Variants in SEMA3D observed in about 807,000 individuals in gnomAD.
The protein encoded by SEMA3D is semaphorin-3D.
Under a neutral mutation model 100.1 loss-of-function variants are expected in SEMA3D, and 84 were observed. That is an observed-to-expected ratio of 0.84 (90% CI 0.70 to 1.01). SEMA3D has a LOEUF of 1.01. Among genes scored for constraint, SEMA3D ranks in the 50% least tolerant of loss-of-function variants. The pLI is 0.00. For missense variants in SEMA3D, 875 were observed against 934.1 expected (o/e 0.94, Z 0.82); for synonymous variants, 312 against 320.7 (o/e 0.97, Z 0.29).
the SEMA3D span, among the ~76,000 whole-genome samples, chr7:85,209,188 A>G: frequency 7.2e-5 from 11 of 152,052 alleles, no homozygotes; most frequent in Non-Finnish European, 1.3e-4. Context: ...CAAGTCTGGT[A>G]TAAATGGTAA....
At chr7:85,145,769 T>A (rs529573836) in intron 2 of SEMA3D, among the ~76,000 whole-genome samples, 17 of 152,296 alleles carry the variant, frequency 1.1e-4, no homozygotes, top group African/African-American at 3.6e-4. Context: ...TCGTGGGATA[T>A]TGATTCCAAG....
At chr7:85,126,042 T>C (rs2116417275) in intron 2 of SEMA3D, among the ~76,000 whole-genome samples, 1 of 152,208 alleles carries the variant, frequency 6.6e-6, no homozygotes, top group East Asian at 1.9e-4. Flanking sequence ...TTTCTGATTA[T>C]GAGAGACTTT....
At chr7:85,156,345 C>G (rs969687113) in intron 1 of SEMA3D, among the ~76,000 whole-genome samples, 9 of 151,904 alleles carry the variant, frequency 5.9e-5, no homozygotes, top group African/African-American at 2.2e-4. Flanking sequence ...TCATGATCCA[C>G]CCCTTCGGCC....
chr7:85,086,872 C>A (rs1400036373), intron 4 of SEMA3D, among the ~76,000 whole-genome samples: 1 of 152,096 alleles, frequency 6.6e-6, no homozygotes, highest in Non-Finnish European at 1.5e-5. Context: ...CTAGTCAGTA[C>A]ACTTTGAGAT....
the SEMA3D span, among the ~76,000 whole-genome samples, chr7:85,233,334 T>C: frequency 1.3e-5 from 2 of 152,206 alleles, no homozygotes; most frequent in Non-Finnish European, 2.9e-5. Flanking sequence ...TTGAGATGAT[T>C]AGTACCCTCA....
chr7:85,203,602 A>G, the SEMA3D span, among the ~76,000 whole-genome samples: 14 of 152,120 alleles, frequency 9.2e-5, no homozygotes, highest in Non-Finnish European at 2.9e-5. Flanking sequence ...CCTGAAAAAT[A>G]TTTCATGTGA....
At chr7:85,248,158 G>A in the SEMA3D span, among the ~76,000 whole-genome samples, 1 of 152,054 alleles carries the variant, frequency 6.6e-6, no homozygotes, top group East Asian at 1.9e-4. Flanking sequence ...ACAAAAAAAG[G>A]GGCCAAGAAC....
intron 12 of SEMA3D, chr7:85,029,200 A>G (rs957376123): frequency 1.4e-6 from 1 of 699,122 alleles, no homozygotes; most frequent in Non-Finnish European, 2.7e-6. Flanking sequence ...CCTGCACACC[A>G]TGGTGCTCAT....
In SEMA3D at chr7:85,014,687, G is replaced by A. The variant is rs563290873; in HGVS notation, c.1703+372C>T. Among the ~76,000 whole-genome samples the A allele has an allele frequency of 9.3e-4, 141 of 151,620 alleles. 1 individual carries two copies. Among genetic ancestry groups the A allele is most frequent in the African/African-American group, 3.3e-3 (136 of 41,404 alleles). The stretch of plus-strand genomic sequence containing the variant: ...AATCATATATATTTATATATTATTT[G>A]CAAAACAGTGGGCATCAGTATATAC... On this transcript the variant is annotated intron_variant, in intron 16 of 18. Coordinates refer to ENST00000284136, the MANE Select transcript of SEMA3D (RefSeq NM_001384900.1).
chr7:85,249,625 C>T, the SEMA3D span, among the ~76,000 whole-genome samples: 1 of 152,116 alleles, frequency 6.6e-6, no homozygotes, highest in African/African-American at 2.4e-5. Context: ...TGAGGACCTA[C>T]CAATTTTCCA....
intron 3 of SEMA3D, among the ~76,000 whole-genome samples, chr7:85,100,621 TA>T (rs1043971048): frequency 1.3e-5 from 2 of 151,904 alleles, no homozygotes; most frequent in Non-Finnish European, 1.5e-5. Flanking sequence ...AAGGTAATTC[TA>T]AAAAGTATCA....
upstream of SEMA3D, among the ~76,000 whole-genome samples, chr7:85,189,213 T>G (rs1182696704): frequency 6.6e-6 from 1 of 152,198 alleles, no homozygotes; most frequent in Non-Finnish European, 1.5e-5. Context: ...ATCTTCAGGC[T>G]GCTTCCCTGA....
chr7:85,228,665 T>C, the SEMA3D span, among the ~76,000 whole-genome samples: 1 of 152,068 alleles, frequency 6.6e-6, no homozygotes. Flanking sequence ...TGGTAATCCA[T>C]AATTTTTCTC....
intron 1 of SEMA3D, among the ~76,000 whole-genome samples, chr7:85,159,237 A>G (rs1345247310): frequency 6.6e-6 from 1 of 152,158 alleles, no homozygotes; most frequent in Non-Finnish European, 1.5e-5. Flanking sequence ...TGCAGTTTCC[A>G]GGCCATCATC....
intron 1 of SEMA3D, among the ~76,000 whole-genome samples, chr7:85,164,572 A>G (rs575174109): frequency 6.6e-6 from 1 of 152,274 alleles, no homozygotes; most frequent in Admixed American, 6.5e-5. Context: ...CATACAACAC[A>G]GCCTCTAAAG....
chr7:85,250,225 G>A, the SEMA3D span, among the ~76,000 whole-genome samples: 6 of 147,944 alleles, frequency 4.1e-5, no homozygotes, highest in South Asian at 2.2e-4. Flanking sequence ...CTACGTCCAC[G>A]GAGTCTTGCT....
intron 4 of SEMA3D, among the ~76,000 whole-genome samples, chr7:85,083,790 T>C (rs1157033503): frequency 1.8e-4 from 26 of 144,622 alleles, no homozygotes; most frequent in African/African-American, 6.5e-4. Flanking sequence ...GAGCTTGCAG[T>C]GAGCCGAGAT....
At chr7:85,016,875 C>T (rs1790119796) in intron 15 of SEMA3D, among the ~76,000 whole-genome samples, 1 of 149,842 alleles carries the variant, frequency 6.7e-6, no homozygotes, top group African/African-American at 2.5e-5. Flanking sequence ...CCATTCTAGG[C>T]TCCTGAGTAG....
At chr7:85,080,413 C>T (rs1788021047) in intron 5 of SEMA3D, among the ~76,000 whole-genome samples, 1 of 152,150 alleles carries the variant, frequency 6.6e-6, no homozygotes, top group African/African-American at 2.4e-5. Context: ...ATTTCTATCA[C>T]ATTGATAGAG....
Sources: allele counts gnomAD v4.1 joint callset (sites outside exome capture counted in the v4.1 genomes callset), GRCh38; gene constraint gnomAD v4.1.1; transcripts MANE v1.5; gene names NCBI Gene and HGNC (gene_info 2026-07-23, HGNC 2026-07-21).